PCDH15: variants seen among roughly 807,000 people sequenced by gnomAD.
PCDH15 encodes the protein protocadherin-15.
PCDH15 carries 129 observed loss-of-function variants against 178.5 expected under a neutral mutation model. The ratio of observed to expected loss-of-function variants is 0.72; its 90% confidence interval spans 0.63 to 0.84. The LOEUF (loss-of-function observed/expected upper bound fraction) is 0.84. Among genes scored for constraint, PCDH15 ranks in the 40% least tolerant of loss-of-function variants. The pLI, the probability that PCDH15 is intolerant of heterozygous loss-of-function variation, is 0.00. For missense variants in PCDH15, 2,230 were observed against 2,099.9 expected (o/e 1.06, Z -1.21); for synonymous variants, 800 against 732.0 (o/e 1.09, Z -1.50).
intron 1 of PCDH15, among the ~76,000 whole-genome samples, chr10:55,211,519 T>C (rs1017551057): frequency 6.6e-6 from 1 of 152,128 alleles, no homozygotes; most frequent in African/African-American, 2.4e-5. Flanking sequence ...TAGTGTTAAG[T>C]GCTTGGCTAA....
chr10:53,964,262 T>C (rs2088696874), intron 21 of PCDH15, among the ~76,000 whole-genome samples: 1 of 151,916 alleles, frequency 6.6e-6, no homozygotes, highest in Non-Finnish European at 1.5e-5. Flanking sequence ...GTCTCCCACA[T>C]AAGAATACAA....
At chr10:54,462,323 T>C (rs1665524713) in intron 3 of PCDH15, among the ~76,000 whole-genome samples, 1 of 151,660 alleles carries the variant, frequency 6.6e-6, no homozygotes, top group Non-Finnish European at 1.5e-5. Flanking sequence ...TAAAATGAAA[T>C]CCTATCTTAC....
chr10:54,298,728 A>G (rs1268992911), intron 8 of PCDH15, among the ~76,000 whole-genome samples: 1 of 152,170 alleles, frequency 6.6e-6, no homozygotes, highest in Non-Finnish European at 1.5e-5. Flanking sequence ...GGTACGTTTA[A>G]CTATTGATGA....
chr10:53,822,304 G>A (rs727505235), intron 32 of PCDH15: 4 of 1,611,134 alleles, frequency 2.5e-6, no homozygotes, highest in African/African-American at 1.3e-5. Flanking sequence ...AGAAGAGGTG[G>A]TGTTGGGGGA....
In PCDH15 at chr10:53,929,704, A is replaced by T. The variant is rs114049321; in HGVS notation, c.3373+9111T>A. Among the ~76,000 whole-genome samples the T allele has an allele frequency of 2.2e-3, 335 of 152,332 alleles. 2 individuals are homozygous for T. Among genetic ancestry groups the T allele is most frequent in the African/African-American group, 7.4e-3 (306 of 41,566 alleles). On this transcript the variant is annotated intron_variant, in intron 25 of 37. Coordinates refer to ENST00000644397, the MANE Select transcript of PCDH15 (RefSeq NM_001384140.1). ...CAAGCTTGTACCCTACAGCTAAAAC[A>T]TAAAATGAAATCAATAGCATTTGAG...
intron 14 of PCDH15, among the ~76,000 whole-genome samples, chr10:54,138,341 T>C (rs1290557315): frequency 6.6e-6 from 1 of 152,056 alleles, no homozygotes; most frequent in African/African-American, 2.4e-5. Context: ...GAATTTTTCT[T>C]TGTGGGTTGG....
At position 54,492,977 on chromosome 10, in the gene PCDH15, G is replaced by A. The variant is rs375328901; in HGVS notation, c.157+34835C>T. Among the ~76,000 whole-genome samples, 8 of 152,152 alleles carry A rather than the reference G, an allele frequency of 5.3e-5. No homozygotes were observed. The East Asian group carries it at 1.2e-3, about 22-fold the overall frequency. ...GGAGCAAGACATGTCTTACATAGAT[G>A]GCAGCAGGCAAAGAGAGAGAATTTG... On this transcript the variant is annotated intron_variant, in intron 3 of 37. Transcript: ENST00000644397.
At chr10:55,331,551 C>T (rs1456642770) in intron 2 of PCDH15, among the ~76,000 whole-genome samples, 2 of 151,966 alleles carry the variant, frequency 1.3e-5, no homozygotes, top group Non-Finnish European at 2.9e-5. Flanking sequence ...AGAGTTTAAA[C>T]AAAGTGGTTG....
chr10:55,113,889 C>T (rs1333036865), intron 2 of PCDH15, among the ~76,000 whole-genome samples: 3 of 152,092 alleles, frequency 2.0e-5, no homozygotes, highest in African/African-American at 7.2e-5. Context: ...CCAAGTTTTC[C>T]CTTTTTAACT....
At chr10:55,208,027 G>A (rs1206308939) in intron 1 of PCDH15, among the ~76,000 whole-genome samples, 1 of 151,876 alleles carries the variant, frequency 6.6e-6, no homozygotes. Context: ...TTAACTCATG[G>A]GATTTATTGT....
At position 53,823,000 on chromosome 10, in the gene PCDH15, G is replaced by A. The variant is rs758204385; in HGVS notation, c.4368-2770C>T. The A allele has an allele frequency of 6.2e-7, 1 of 1,613,990 alleles. No individual in the cohort carries two copies. The highest frequency in any genetic ancestry group is 1.1e-5 in the South Asian group (1 of 91,072). On this transcript the variant is annotated intron_variant, in intron 32 of 37. Coordinates refer to ENST00000644397, the MANE Select transcript of PCDH15 (RefSeq NM_001384140.1). ...AGCCTCCTGGGTAAGCTGACTGACT[G>A]ACTCCACAGCCTCTGAATCTTTTCT...
At chr10:54,029,629 T>A (rs1387795134) in intron 18 of PCDH15, among the ~76,000 whole-genome samples, 1 of 152,198 alleles carries the variant, frequency 6.6e-6, no homozygotes, top group Non-Finnish European at 1.5e-5. Flanking sequence ...GACAACCAAG[T>A]AATTACTTAA....
intron 2 of PCDH15, among the ~76,000 whole-genome samples, chr10:55,518,331 C>G (rs911270764): frequency 3.9e-5 from 6 of 152,054 alleles, no homozygotes; most frequent in Non-Finnish European, 8.8e-5. Context: ...TCATGTCAGG[C>G]TTTGTTTATC....
At chr10:54,098,481 A>G (rs181819459) in intron 15 of PCDH15, among the ~76,000 whole-genome samples, 185 of 152,284 alleles carry the variant, frequency 1.2e-3, no homozygotes, top group African/African-American at 4.2e-3. Flanking sequence ...ATCTGGAATG[A>G]TGCTGAAAAG....
intron 2 of PCDH15, among the ~76,000 whole-genome samples, chr10:55,122,178 T>C (rs955223088): frequency 1.3e-5 from 2 of 152,230 alleles, no homozygotes; most frequent in Non-Finnish European, 2.9e-5. Context: ...TTTTTATTTA[T>C]GTCATTAATT....
intron 3 of PCDH15, among the ~76,000 whole-genome samples, chr10:54,884,472 C>T (rs1045347340): frequency 8.3e-6 from 1 of 119,880 alleles, no homozygotes; most frequent in Non-Finnish European, 1.7e-5. Flanking sequence ...GAGCAGAATA[C>T]TAAGATAGGT....
chr10:53,982,470 G>T (rs890658208), intron 21 of PCDH15, among the ~76,000 whole-genome samples: 1 of 151,932 alleles, frequency 6.6e-6, no homozygotes. Context: ...CACATATACA[G>T]CATGGAATAC....
intron 3 of PCDH15, among the ~76,000 whole-genome samples, chr10:54,519,837 A>C (rs925983456): frequency 6.6e-6 from 1 of 152,168 alleles, no homozygotes; most frequent in Non-Finnish European, 1.5e-5. Flanking sequence ...AGTAACCAAA[A>C]CAGCATAGTA....
intron 30 of PCDH15, among the ~76,000 whole-genome samples, chr10:53,830,253 G>C (rs999799557): frequency 6.6e-6 from 1 of 150,476 alleles, no homozygotes; most frequent in Non-Finnish European, 1.5e-5. Flanking sequence ...AGTGAGCTGA[G>C]ATCACACCAC....
Sources: allele counts gnomAD v4.1 joint callset (sites outside exome capture counted in the v4.1 genomes callset), GRCh38; gene constraint gnomAD v4.1.1; transcripts MANE v1.5; gene names NCBI Gene and HGNC (gene_info 2026-07-23, HGNC 2026-07-21).